The following ABCA8 variants were observed in gnomAD, a reference collection of about 807,000 sequenced individuals.
ABCA8 encodes ATP binding cassette subfamily A member 8, also known as ABC-type organic anion transporter ABCA8.
In ABCA8, 177 loss-of-function variants were observed where a neutral mutation model predicts 192.3. That is an observed-to-expected ratio of 0.92 (90% confidence interval 0.81 to 1.04). ABCA8 has a LOEUF of 1.04. Among genes scored for constraint, ABCA8 ranks in the 50% least tolerant of loss-of-function variants. The pLI, the probability that ABCA8 is intolerant of heterozygous loss-of-function variation, is 0.00. For missense variants in ABCA8, 1,915 were observed against 1,904.8 expected, an observed-to-expected ratio of 1.01 and a Z score of -0.10; for synonymous variants, 642 against 690.2, an observed-to-expected ratio of 0.93 and a Z score of 1.09.
intron 37 of ABCA8, among the ~76,000 whole-genome samples, chr17:68,872,432 T>G (rs1465600146): frequency 8.3e-5 from 6 of 72,070 alleles, no homozygotes; most frequent in Admixed American, 6.4e-4. Flanking sequence ...TGTTGTGGGG[T>G]GGGGGGAGGG....
chr17:68,919,194 C>T, intron 14 of ABCA8, 107 bp downstream of exon 14: 2 of 1,084,264 alleles, frequency 1.8e-6, no homozygotes. Flanking sequence ...TCTTGTCCAA[C>T]AATTGTACAA....
At chr17:68,917,886 T>C (rs928257757) in intron 16 of ABCA8, among the ~76,000 whole-genome samples, 161 bp downstream of exon 16, 1 of 152,174 alleles carries the variant, frequency 6.6e-6, no homozygotes, top group African/African-American at 2.4e-5. Context: ...ACTGAAATGG[T>C]TGCAAGAGGC....
intron 17 of ABCA8, among the ~76,000 whole-genome samples, chr17:68,913,169 TAAG>T (rs1462743185): frequency 2.0e-5 from 3 of 151,926 alleles, no homozygotes; most frequent in African/African-American, 7.2e-5. Context: ...AGGAAGAAAT[TAAG>T]AAGGAAATTG....
At chr17:68,947,028 G>A (rs1408067777) in intron 2 of ABCA8, among the ~76,000 whole-genome samples, 1 of 151,994 alleles carries the variant, frequency 6.6e-6, no homozygotes, top group African/African-American at 2.4e-5. Flanking sequence ...AATAATTTTT[G>A]TTAGATTTAT....
At chr17:68,915,133 A>G (rs1253047635) in intron 17 of ABCA8, among the ~76,000 whole-genome samples, 2 of 152,084 alleles carry the variant, frequency 1.3e-5, no homozygotes, top group Non-Finnish European at 2.9e-5. Flanking sequence ...CAAATATCAA[A>G]TCCAAATGGA....
At chr17:68,887,921 T>TCC (rs377680815) in intron 24 of ABCA8, among the ~76,000 whole-genome samples, 1 of 25,884 alleles carries the variant, frequency 3.9e-5, no homozygotes, top group Non-Finnish European at 6.0e-5. Flanking sequence ...TATATATATA[T>TCC]ATATTATATA....
chr17:68,926,494 C>G (rs569523947), intron 10 of ABCA8, among the ~76,000 whole-genome samples: 2 of 152,002 alleles, frequency 1.3e-5, no homozygotes, highest in African/African-American at 4.8e-5. Context: ...AAAAGTAGAA[C>G]AGAGAAAATA....
chr17:68,940,724 C>G, intron 4 of ABCA8, 34 bp downstream of exon 4: 1 of 1,560,188 alleles, frequency 6.4e-7, no homozygotes, highest in East Asian at 2.2e-5. Context: ...AATATTCACA[C>G]CAGACATTCT....
chr17:68,882,056 T>G, intron 30 of ABCA8, 76 bp from the exon 31 acceptor site: 1 of 1,280,082 alleles, frequency 7.8e-7, no homozygotes, highest in Non-Finnish European at 1.1e-6. Flanking sequence ...CATCTTCCCA[T>G]TGGCTGGACC....
At chr17:68,873,661 T>C (rs1204925398) in intron 37 of ABCA8, among the ~76,000 whole-genome samples, 1 of 152,216 alleles carries the variant, frequency 6.6e-6, no homozygotes, top group Non-Finnish European at 1.5e-5. Context: ...TATGTTTTCT[T>C]CTAGGAGTTC....
At chr17:68,876,764 C>T (rs2066218675) in intron 33 of ABCA8, 61 bp from the exon 34 acceptor site, 1 of 1,603,910 alleles carries the variant, frequency 6.2e-7, no homozygotes, top group Non-Finnish European at 8.5e-7. Context: ...AAGAGGATAA[C>T]CCAAGCAAGG....
At chr17:68,953,452 A>T (rs964747868) in intron 1 of ABCA8, among the ~76,000 whole-genome samples, 1 of 152,166 alleles carries the variant, frequency 6.6e-6, no homozygotes, top group African/African-American at 2.4e-5. Flanking sequence ...TCTAGAGCCA[A>T]ATCTCAAGTA....
chr17:68,893,059 A>G (rs769226280), intron 23 of ABCA8, among the ~76,000 whole-genome samples: 1 of 152,194 alleles, frequency 6.6e-6, no homozygotes, highest in Non-Finnish European at 1.5e-5. Context: ...TTATGTATAC[A>G]TGAGTATATG....
At chr17:68,938,438 A>G (rs925141078) in intron 4 of ABCA8, among the ~76,000 whole-genome samples, 5 of 152,146 alleles carry the variant, frequency 3.3e-5, no homozygotes, top group Admixed American at 2.0e-4. Flanking sequence ...AAGAAAGGAA[A>G]AAAAGAGGTT....
chr17:68,941,235 A>T (rs557294006), intron 3 of ABCA8, among the ~76,000 whole-genome samples: 4 of 152,276 alleles, frequency 2.6e-5, no homozygotes, highest in African/African-American at 4.8e-5. Context: ...TAATTCTAAT[A>T]ATAAGATAGT....
chr17:68,868,516 G>A (rs146187285), intron 38 of ABCA8, among the ~76,000 whole-genome samples, 160 bp from the exon 39 acceptor site: 26 of 152,204 alleles, frequency 1.7e-4, no homozygotes, highest in African/African-American at 6.3e-4. Flanking sequence ...ATACACCAAT[G>A]CATTTACTTA....
intron 21 of ABCA8, among the ~76,000 whole-genome samples, chr17:68,900,148 C>A (rs2066869350): frequency 6.6e-6 from 1 of 151,930 alleles, no homozygotes; most frequent in Non-Finnish European, 1.5e-5. Context: ...ACAATAGAGA[C>A]AGTTAAGCTA....
At chr17:68,878,380 G>A (rs2143266418) in intron 32 of ABCA8, 1 of 152,368 alleles carries the variant, frequency 6.6e-6, no homozygotes, top group East Asian at 1.9e-4. Context: ...TGGGGATGAA[G>A]CTTGATGTGG....
intron 11 of ABCA8, among the ~76,000 whole-genome samples, chr17:68,923,096 A>G (rs2143642743): frequency 6.6e-6 from 1 of 152,300 alleles, no homozygotes; most frequent in East Asian, 1.9e-4. Context: ...GTAAGTATAT[A>G]ATCCATAGGC....
Sources: allele counts gnomAD v4.1 joint callset (sites outside exome capture counted in the v4.1 genomes callset), GRCh38; gene constraint gnomAD v4.1.1; transcripts MANE v1.5; gene names NCBI Gene and HGNC (gene_info 2026-07-23, HGNC 2026-07-21).